PBRM1: variants seen among roughly 807,000 people sequenced by gnomAD.
PBRM1 encodes the protein polybromo 1.
PBRM1 carries 27 observed loss-of-function variants against 194.5 expected under a neutral mutation model. That is an observed-to-expected ratio of 0.14 (90% CI 0.10 to 0.19). The LOEUF (loss-of-function observed/expected upper bound fraction) is 0.19, where lower values mean the gene tolerates loss of function less well. Among genes scored for constraint, PBRM1 ranks in the 10% least tolerant of loss-of-function variants. PBRM1 has a pLI of 1.00. For synonymous variants in PBRM1, 655 were observed against 693.2 expected (o/e 0.94, Z 0.87); for missense variants, 1,466 against 2,077.2 (o/e 0.71, Z 5.72).
At chr3:52,627,483 C>T in intron 12 of PBRM1, 113 bp from the exon 14 acceptor site, 1 of 626,486 alleles carries the variant, frequency 1.6e-6, no homozygotes, top group South Asian at 2.0e-5. Context: ...CAATCACATG[C>T]AGGATGTACA....
chr3:52,658,381 C>G, intron 4 of PBRM1, 66 bp from the exon 6 acceptor site: 1 of 797,952 alleles, frequency 1.3e-6, no homozygotes, highest in Non-Finnish European at 2.1e-6. Flanking sequence ...TACATAGCTT[C>G]TAAAATTGTA....
chr3:52,578,894 T>C, intron 21 of PBRM1, 160 bp downstream of exon 23: 5 of 728,626 alleles, frequency 6.9e-6, no homozygotes, highest in South Asian at 6.0e-5. Flanking sequence ...AAAGGGATAA[T>C]TTAAGGAAGA....
At chr3:52,603,654 A>T in exon 17 of PBRM1, 1 of 1,613,460 alleles carries the variant, frequency 6.2e-7, no homozygotes, top group Non-Finnish European at 8.5e-7. Context: ...GAATCTCTCC[A>T]TTTTTGCAGA....
intron 15 of PBRM1, among the ~76,000 whole-genome samples, chr3:52,615,088 C>G (rs1223073171): frequency 6.6e-6 from 1 of 152,168 alleles, no homozygotes. Context: ...AAAATCTATT[C>G]TTACTATTTA....
rs1007524201 is a variant in PBRM1 at position 52,605,823 on chromosome 3, G to C, written c.2568-2091C>G. On this transcript the variant is annotated intron_variant, in intron 16 of 29. Transcript: ENST00000296302. ...TCACCATGTTGGCCAGGCTGGTCTC[G>C]AACTCCTGACCTCAGGTGATCCGCC... is the stretch of plus-strand genomic sequence containing the variant. Among the ~76,000 whole-genome samples, 3 of 151,832 alleles carry C rather than the reference G, an allele frequency of 2.0e-5. No homozygotes were observed. The South Asian group carries it at 6.2e-4, about 32-fold the overall frequency.
chr3:52,620,389 A>G (rs1031639061), intron 13 of PBRM1, among the ~76,000 whole-genome samples: 7 of 152,202 alleles, frequency 4.6e-5, no homozygotes, highest in Non-Finnish European at 1.0e-4. Flanking sequence ...ACAGGACAGG[A>G]TGAAATTAGT....
At chr3:52,632,469 C>G (rs1225163237) in intron 11 of PBRM1, among the ~76,000 whole-genome samples, 1 of 152,090 alleles carries the variant, frequency 6.6e-6, no homozygotes, top group Non-Finnish European at 1.5e-5. Flanking sequence ...GTGGTCCCAG[C>G]TACTTGGGAG....
At chr3:52,566,532 A>C (rs1559919960) in intron 22 of PBRM1, among the ~76,000 whole-genome samples, 1 of 152,222 alleles carries the variant, frequency 6.6e-6, no homozygotes, top group Non-Finnish European at 1.5e-5. Flanking sequence ...TGAAAACATT[A>C]GGCTAAGTAA....
intron 17 of PBRM1, among the ~76,000 whole-genome samples, chr3:52,590,338 C>G (rs2092912304): frequency 1.3e-5 from 2 of 151,940 alleles, no homozygotes; most frequent in South Asian, 4.2e-4. Flanking sequence ...TGCCTGTAGT[C>G]CCAGCTACTT....
intron 2 of PBRM1, among the ~76,000 whole-genome samples, chr3:52,673,500 C>T (rs1179601838): frequency 6.7e-6 from 1 of 149,618 alleles, no homozygotes; most frequent in Non-Finnish European, 1.5e-5. Context: ...AAAACTCCGT[C>T]TCTACTAAAA....
intron 15 of PBRM1, among the ~76,000 whole-genome samples, chr3:52,614,864 C>T (rs2094871214): frequency 1.3e-5 from 2 of 152,148 alleles, no homozygotes. Context: ...AGTCACTGTT[C>T]CTGGCCTTCA....
At chr3:52,584,198 G>C (rs1414790812) in intron 20 of PBRM1, among the ~76,000 whole-genome samples, 1 of 151,918 alleles carries the variant, frequency 6.6e-6, no homozygotes, top group Non-Finnish European at 1.5e-5. Flanking sequence ...TTTTCCTAGA[G>C]GTTCTATATA....
exon 12 of PBRM1, chr3:52,629,014 T>C (rs1240021106): frequency 6.2e-7 from 1 of 1,608,770 alleles, no homozygotes; most frequent in Non-Finnish European, 8.5e-7. Flanking sequence ...AAGTTTCATA[T>C]TCTTGATTCT....
chr3:52,654,442 A>C (rs140509626), intron 5 of PBRM1, among the ~76,000 whole-genome samples: 2 of 152,150 alleles, frequency 1.3e-5, no homozygotes, highest in Non-Finnish European at 2.9e-5. Flanking sequence ...AAGTCATCCA[A>C]TCCCACAAAT....
At chr3:52,554,315 A>G (rs1015100811) in intron 27 of PBRM1, among the ~76,000 whole-genome samples, 1 of 152,252 alleles carries the variant, frequency 6.6e-6, no homozygotes, top group Non-Finnish European at 1.5e-5. Context: ...AGAGGGAGAA[A>G]TGCAACTCAG....
chr3:52,657,785 CT>C (rs893863963), intron 5 of PBRM1, among the ~76,000 whole-genome samples: 291 of 123,474 alleles, frequency 2.4e-3, no homozygotes, highest in Middle Eastern at 6.2e-3. Context: ...TCTTCCTTTT[CT>C]TTTTTTTTTT....
chr3:52,587,341 T>C lies in PBRM1; in HGVS notation c.3123+12A>G, dbSNP rs370364456. On this transcript the variant is annotated intron_variant, in intron 19 of 29. Coordinates refer to ENST00000296302, the Ensembl canonical transcript of PBRM1. ...GAATGAGTGAGACTTTGGGATTTAA[T>C]GAGTTTCTTACCTTGACAAACATGA... 3 of 1,579,806 alleles carry C rather than the reference T, an allele frequency of 1.9e-6. No individual in the cohort carries two copies. The African/African-American group carries it at 4.1e-5, about 21-fold the overall frequency.
chr3:52,624,691 A>T (rs1431780163), intron 13 of PBRM1, among the ~76,000 whole-genome samples: 1 of 152,250 alleles, frequency 6.6e-6, no homozygotes, highest in Non-Finnish European at 1.5e-5. Flanking sequence ...AATTAAGGCT[A>T]CTTCTGAACT....
chr3:52,668,691 C>T lies in PBRM1; in HGVS notation c.237-46G>A, dbSNP rs549332432. 7 of 1,143,324 alleles carry T rather than the reference C, an allele frequency of 6.1e-6. No individual in the cohort carries two copies. The African/African-American group carries it at 1.2e-4, about 20-fold the overall frequency. 70.8% of individuals were successfully genotyped at this position (1,143,324 alleles called of 1,614,324 possible). ...TTAAAGGAGATTAATCTGAAGCTTA[C>T]AAAAAGTTTTATTTCAAAACTATTT... On this transcript the variant is annotated intron_variant, in intron 2 of 29. Transcript: ENST00000296302.
Sources: allele counts gnomAD v4.1 joint callset (sites outside exome capture counted in the v4.1 genomes callset), GRCh38; gene constraint gnomAD v4.1.1; transcripts MANE v1.5; gene names NCBI Gene and HGNC (gene_info 2026-07-23, HGNC 2026-07-21).